Variants in DIPK2B observed in about 807,000 individuals in gnomAD.
The protein encoded by DIPK2B is divergent protein kinase domain 2B, also known as UPF0672 protein CXorf36.
In DIPK2B, 15 loss-of-function variants were observed where a neutral mutation model predicts 22.2. The ratio of observed to expected loss-of-function variants is 0.68; its 90% CI spans 0.45 to 1.04. DIPK2B has a LOEUF of 1.04. Ranked by LOEUF, DIPK2B falls within the 50% of genes least tolerant of loss-of-function variation. The probability of loss-of-function intolerance (pLI) is 0.00; values close to 1 mark genes in which losing one functional copy is unlikely to be tolerated. For missense variants in DIPK2B, 345 were observed against 348.3 expected, an observed-to-expected ratio of 0.99 and a Z score of 0.08; for synonymous variants, 163 against 153.2, an observed-to-expected ratio of 1.06 and a Z score of -0.47.
chrX:45,169,698 C>T (rs188104700), intron 2 of DIPK2B, among the ~76,000 whole-genome samples: 2,191 of 112,060 alleles, frequency 0.02, 64 homozygotes, highest in African/African-American at 0.066. Context: ...GCTTTACAGG[C>T]TGTGGCGTGC....
chrX:45,175,496 G>A (rs2047112073), intron 2 of DIPK2B, among the ~76,000 whole-genome samples: 1 of 108,035 alleles, frequency 9.3e-6, no homozygotes, highest in Admixed American at 1.0e-4. Context: ...ACACCAATGT[G>A]TTAACAGTGG....
At chrX:45,186,597 AAAAC>A (rs903278429) in intron 2 of DIPK2B, among the ~76,000 whole-genome samples, 1 of 112,693 alleles carries the variant, frequency 8.9e-6, no homozygotes, top group Admixed American at 9.3e-5. Context: ...GTTCTTTGTT[AAAAC>A]AAACAAACAA....
Position 45,200,613 on chromosome X carries a change from A to G in DIPK2B, c.214T>C (p.Phe72Leu). 1.7e-6 allele frequency: 2 copies of G among 1,211,148 alleles called. No individual in the cohort carries two copies. Among genetic ancestry groups the G allele is most frequent in the Non-Finnish European group, 1.1e-6 (1 of 894,693 alleles). Residue 72 changes from phenylalanine (F) to leucine (L), a missense_variant, in exon 1 of 5, where the codon TTC becomes CTC. By Grantham distance (22) the Phe-to-Leu change is conservative. Transcript: ENST00000398000. ...TCTGACCTTATTTCTTCTTTAAAGA[A>G]CTTCTTGCAAATAGATGTCCCGATG... ...ACIGTSICKKFFKEEIRSDNW... is the reference protein window; with the variant it reads ...ACIGTSICKKLFKEEIRSDNW...
intron 2 of DIPK2B, among the ~76,000 whole-genome samples, chrX:45,169,219 G>A (rs147171240): frequency 5.1e-4 from 57 of 111,884 alleles, no homozygotes; most frequent in African/African-American, 1.8e-3. Context: ...TCATGAGGGC[G>A]TTGAGAGGGT....
intron 2 of DIPK2B, among the ~76,000 whole-genome samples, chrX:45,180,596 C>A (rs1362471282): frequency 8.2e-5 from 9 of 110,246 alleles, no homozygotes; most frequent in South Asian, 3.8e-4. Context: ...TGGAAAAATT[C>A]AAAAAAAATC....
intron 2 of DIPK2B, among the ~76,000 whole-genome samples, chrX:45,169,753 C>T (rs903017216): frequency 8.0e-5 from 9 of 112,165 alleles, no homozygotes; most frequent in African/African-American, 2.9e-4. Context: ...CAAACAACAT[C>T]CACACCATGA....
rs144264852 is a variant in DIPK2B at position 45,183,954 on chromosome X, G to A, written c.498+7797C>T. Among the ~76,000 whole-genome samples, 326 of 111,692 alleles carry A rather than the reference G, an allele frequency of 2.9e-3. 3 individuals carry two copies. Among genetic ancestry groups the A allele is most frequent in the African/African-American group, 0.01 (314 of 30,757 alleles). On this transcript the variant is annotated intron_variant, in intron 2 of 4. Transcript: ENST00000398000. ...GAATAATATGTACTTGGGGTGATAC[G>A]GGGTATGATAAGTATCAGAAACAAG...
rs1188689473 is a variant in DIPK2B at position 45,157,881 on chromosome X, G to T, written c.506C>A (p.Ala169Asp). Residue 169 changes from alanine (A) to aspartate (D), a missense_variant, in exon 3 of 5, where the codon GCC becomes GAC. Transcript: ENST00000398000. Reference protein sequence around the residue: ...RLTPDLVQGLASPLLRCPSQR... With the variant: ...RLTPDLVQGLDSPLLRCPSQR... ...CGAAGGGCAGCGCAGGAGCGGGCTG[G>T]CCAGGCCCTACGCGCAGGTGGGAGA... 2 of 1,149,558 alleles carry T rather than the reference G, an allele frequency of 1.7e-6. No homozygotes were observed. The highest frequency in any genetic ancestry group is 1.8e-5 in the African/African-American group (1 of 55,309). The allele number at this position is 1,149,558 out of a possible 1,213,427, so 94.7% of individuals were successfully genotyped here.
intron 2 of DIPK2B, chrX:45,163,699 T>A: frequency 4.0e-6 from 3 of 755,439 alleles, no homozygotes; most frequent in Non-Finnish European, 4.7e-6. Context: ...TGCTTTTTTT[T>A]CCCTCTAGAA....
chrX:45,153,521 T>TGTGTGTGA lies in DIPK2B; in HGVS notation c.961+388_961+389insTCACACAC, dbSNP rs1232898063. On this transcript the variant is annotated intron_variant, in intron 4 of 4. Coordinates refer to ENST00000398000, the MANE Select transcript of DIPK2B (RefSeq NM_176819.4). ...GTGTGTGTGTGTGTGTGTGTGTGTG[T>TGTGTGTGA]GACAGAGAGAGAGGAGAGAGAGAGA... Among the ~76,000 whole-genome samples, 69 of 96,683 alleles carry TGTGTGTGA rather than the reference T, an allele frequency of 7.1e-4. 1 individual carries two copies. Among genetic ancestry groups the TGTGTGTGA allele is most frequent in the African/African-American group, 2.7e-3 (65 of 24,418 alleles). The allele number at this position is 96,683 out of a possible 115,157, so 84.0% of individuals were successfully genotyped here. A position where few individuals can be genotyped will look rare whatever the true frequency, so the allele number is the denominator to read the frequency against.
intron 1 of DIPK2B, among the ~76,000 whole-genome samples, chrX:45,197,204 T>TA (rs2047243556): frequency 9.1e-6 from 1 of 109,812 alleles, no homozygotes; most frequent in Non-Finnish European, 1.9e-5. Context: ...TTTTTTTTTT[T>TA]GAGAGAGAGT....
At position 45,154,924 on chromosome X, in the gene DIPK2B, C is replaced by T. The variant is rs141362719; in HGVS notation, c.673-726G>A. On this transcript the variant is annotated intron_variant, in intron 3 of 4. Transcript: ENST00000398000. ...TCCTATGCTCAAGCAATTCTCTCAC[C>T]TCAGTCTCCTGAGTAGCTAGGACTT... is the stretch of plus-strand genomic sequence containing the variant. Among the ~76,000 whole-genome samples the T allele has an allele frequency of 4.1e-3, 456 of 111,577 alleles. 1 individual carries two copies. The highest frequency in any genetic ancestry group is 6.8e-3 in the Non-Finnish European group (359 of 53,110).
intron 2 of DIPK2B, among the ~76,000 whole-genome samples, chrX:45,176,070 G>A (rs1159845568): frequency 9.1e-6 from 1 of 110,119 alleles, no homozygotes; most frequent in Non-Finnish European, 1.9e-5. Context: ...TCTGTAATGG[G>A]GACCTCTTGC....
At chrX:45,167,622 G>A (rs1391941564) in intron 2 of DIPK2B, among the ~76,000 whole-genome samples, 4 of 110,008 alleles carry the variant, frequency 3.6e-5, no homozygotes, top group Non-Finnish European at 5.7e-5. Context: ...CCCAGACACA[G>A]CACAAAGCTT....
intron 3 of DIPK2B, among the ~76,000 whole-genome samples, chrX:45,156,340 C>T (rs1180338239): frequency 9.0e-5 from 10 of 111,238 alleles, no homozygotes; most frequent in African/African-American, 2.3e-4. Context: ...TCTACAGGTG[C>T]GGCCACACAG....
At chrX:45,160,588 C>T (rs1053253711) in intron 2 of DIPK2B, among the ~76,000 whole-genome samples, 1 of 111,523 alleles carries the variant, frequency 9.0e-6, no homozygotes, top group Admixed American at 9.6e-5. Flanking sequence ...GAAGCCTGAA[C>T]CTGCAAAGAG....
Position 45,148,542 on chromosome X carries a change from T to C in DIPK2B, c.*3110A>G, listed in dbSNP as rs2046944414. The C allele has an allele frequency of 9.8e-6, 1 of 101,947 alleles. No homozygotes were observed. The highest frequency in any genetic ancestry group is 1.1e-4 in the Admixed American group (1 of 9,325). The allele number at this position is 101,947 out of a possible 1,213,427, so 8.4% of individuals were successfully genotyped here. A position where few individuals can be genotyped will look rare whatever the true frequency, so the allele number is the denominator to read the frequency against. ...GTGAGAGCGGGAGTGAGAGGGAGAG[T>C]TGGGGGAGGGACGTGCCACACTCTT... On this transcript the variant is annotated 3_prime_UTR_variant, in exon 5 of 5. Transcript: ENST00000398000.
In DIPK2B at chrX:45,197,515, T is replaced by C. The variant is rs1373584417; in HGVS notation, c.233+3079A>G. ...CCTCCCAAAGTGCTGGGATTACAGGTGTGAGCCACCTCGCCTGGCTGGTAA... is the reference window on the plus strand; with the variant it reads ...CCTCCCAAAGTGCTGGGATTACAGGCGTGAGCCACCTCGCCTGGCTGGTAA... On this transcript the variant is annotated intron_variant, in intron 1 of 4. Coordinates refer to ENST00000398000, the MANE Select transcript of DIPK2B (RefSeq NM_176819.4). Among the ~76,000 whole-genome samples, 5 of 111,901 alleles carry C rather than the reference T, an allele frequency of 4.5e-5. No individual in the cohort carries two copies. The South Asian group carries it at 1.1e-3, about 25-fold the overall frequency.
chrX:45,179,343 G>A (rs2047136297), intron 2 of DIPK2B, among the ~76,000 whole-genome samples: 1 of 110,862 alleles, frequency 9.0e-6, no homozygotes, highest in South Asian at 3.8e-4. Context: ...AGGCATTACA[G>A]TTAAAATTTG....
Sources: allele counts gnomAD v4.1 joint callset (sites outside exome capture counted in the v4.1 genomes callset), GRCh38; gene constraint gnomAD v4.1.1; transcripts MANE v1.5; gene names NCBI Gene and HGNC (gene_info 2026-07-23, HGNC 2026-07-21).